The following DYTN variants were observed in gnomAD, a reference collection of about 807,000 sequenced individuals.
The protein encoded by DYTN is dystrotelin.
A neutral mutation model predicts 69.6 loss-of-function variants in DYTN; 75 were observed. The ratio of observed to expected loss-of-function variants is 1.08; its 90% CI spans 0.89 to 1.31. The LOEUF (loss-of-function observed/expected upper bound fraction) is 1.31, where lower values mean the gene tolerates loss of function less well. DYTN is among the 50% of genes most tolerant of loss of function. The pLI, the probability that DYTN is intolerant of heterozygous loss-of-function variation, is 0.00. For synonymous variants in DYTN, 252 were observed against 249.1 expected, an observed-to-expected ratio of 1.01 and a Z score of -0.11; for missense variants, 726 against 688.4, an observed-to-expected ratio of 1.05 and a Z score of -0.61.
chr2:206,679,271 T>C (rs1446054192), intron 9 of DYTN: 1 of 152,220 alleles, frequency 6.6e-6, no homozygotes, highest in Non-Finnish European at 1.5e-5. Flanking sequence ...TTGAAGGTTT[T>C]ACTCACCCAC....
Position 206,663,257 on chromosome 2 carries a change from C to T in DYTN, c.1279G>A (p.Gly427Arg), listed in dbSNP as rs184887506. The T allele has an allele frequency of 1.2e-6, 2 of 1,613,854 alleles. No homozygotes were observed. The highest frequency in any genetic ancestry group is 2.2e-5 in the East Asian group (1 of 44,894). The change falls in exon 11 of 12, where the codon GGG (glycine) becomes AGG (arginine). Residue 427 changes from glycine (G) to arginine (R), a missense_variant. By Grantham distance (125) the Gly-to-Arg change is moderately radical. Coordinates refer to ENST00000452335, the MANE Select transcript of DYTN (RefSeq NM_001093730.1). ...TCATCAAGCTTAGGAAGAGGTTCCC[C>T]TGTTGAAGCATCTTCAGTGGCATTC... ...IKNATEDAST[G>R]EPLPKLDEVD...
chr2:206,675,840 C>A (rs1237117994), intron 9 of DYTN, among the ~76,000 whole-genome samples: 3 of 152,132 alleles, frequency 2.0e-5, no homozygotes, highest in Non-Finnish European at 2.9e-5. Context: ...AACTCATCAT[C>A]ACTGGTCGTT....
At chr2:206,675,115 A>ATATGTGTGTGTGTGTG (rs1553573104) in intron 9 of DYTN, among the ~76,000 whole-genome samples, 44 of 131,542 alleles carry the variant, frequency 3.3e-4, no homozygotes, top group African/African-American at 1.2e-3. Context: ...ATATATATAT[A>ATATGTGTGTGTGTGTG]TGTGTGTGTG....
chr2:206,693,308 T>A lies in DYTN; in HGVS notation c.847A>T (p.Asn283Tyr). ...EHCIQMSAMQ[N>Y]TKLLFRTLRN... is the part of the protein sequence containing the mutation. Reference sequence around the variant, plus strand: ...AGGGTCCTGAAGAGAAGTTTTGTATTCTGCATTGCTGACATCTGCTGAAAG... The same window carrying A: ...AGGGTCCTGAAGAGAAGTTTTGTATACTGCATTGCTGACATCTGCTGAAAG... The change falls in exon 9 of 12, where the codon AAT becomes TAT. Residue 283 changes from asparagine to tyrosine, a missense_variant. Physicochemically the swap from Asn to Tyr is moderately radical, Grantham distance 143. Coordinates refer to ENST00000452335, the MANE Select transcript of DYTN (RefSeq NM_001093730.1). 1 of 1,612,530 alleles carries A rather than the reference T, an allele frequency of 6.2e-7. No individual in the cohort carries two copies. Among genetic ancestry groups the A allele is most frequent in the East Asian group, 2.2e-5 (1 of 44,880 alleles).
Position 206,672,686 on chromosome 2 carries a change from C to T in DYTN, c.981-6657G>A, listed in dbSNP as rs558405701. ...TACGGAAACTCCAGTTTTTCTCTGA[C>T]TATTACAGATGACCATATTCTGAAA... On this transcript the variant is annotated intron_variant, in intron 9 of 11. Coordinates refer to ENST00000452335, the MANE Select transcript of DYTN (RefSeq NM_001093730.1). Among the ~76,000 whole-genome samples, 3 of 152,324 alleles carry T rather than the reference C, an allele frequency of 2.0e-5. No homozygotes were observed. The East Asian group carries it at 5.8e-4, about 29-fold the overall frequency.
At chr2:206,657,129 T>A (rs1284638549) in intron 11 of DYTN, among the ~76,000 whole-genome samples, 1 of 152,148 alleles carries the variant, frequency 6.6e-6, no homozygotes, top group Non-Finnish European at 1.5e-5. Flanking sequence ...GTTGTTTTCA[T>A]TTTAGAGATG....
intron 9 of DYTN, among the ~76,000 whole-genome samples, chr2:206,673,405 G>A (rs934704154): frequency 5.3e-5 from 8 of 151,908 alleles, no homozygotes; most frequent in African/African-American, 1.7e-4. Flanking sequence ...TTACAGGCAC[G>A]CACCACCACA....
rs554984978 is a variant in DYTN, at chr2:206,665,943, G to T, written c.1067C>A (p.Thr356Lys). 8 of 1,613,904 alleles carry T rather than the reference G, an allele frequency of 5.0e-6. No homozygotes were observed. The South Asian group carries it at 8.8e-5, about 18-fold the overall frequency. ...GTTGGTTTTGAGTTTGTGAATCCTT[G>T]TTTCAAATCGACAAATTCTTTCTTC... ...SQEERICRFE[T>K]RIHKLKTNQD... The change falls in exon 10 of 12, where the codon ACA (threonine) becomes AAA (lysine). Residue 356 changes from threonine to lysine, a missense_variant. Transcript: ENST00000452335.
At chr2:206,700,109 T>G in intron 6 of DYTN, 36 bp downstream of exon 6, 1 of 1,613,122 alleles carries the variant, frequency 6.2e-7, no homozygotes, top group Non-Finnish European at 8.5e-7. Context: ...ACACCGTGTC[T>G]GTCCCCAACT....
intron 10 of DYTN, among the ~76,000 whole-genome samples, chr2:206,665,162 T>C (rs947088982): frequency 1.3e-5 from 2 of 152,218 alleles, no homozygotes; most frequent in Non-Finnish European, 2.9e-5. Context: ...TTGCAGCAGA[T>C]TGATTGCTGA....
At chr2:206,677,912 C>T (rs1456806736) in intron 9 of DYTN, among the ~76,000 whole-genome samples, 2 of 152,022 alleles carry the variant, frequency 1.3e-5, no homozygotes, top group Non-Finnish European at 2.9e-5. Context: ...ATCGCTTGAA[C>T]CCGGGAAGCG....
At chr2:206,662,106 T>A (rs1699518768) in intron 11 of DYTN, among the ~76,000 whole-genome samples, 1 of 152,200 alleles carries the variant, frequency 6.6e-6, no homozygotes, top group African/African-American at 2.4e-5. Flanking sequence ...GTGTATTATA[T>A]TTAATGACTT....
intron 2 of DYTN, among the ~76,000 whole-genome samples, chr2:206,709,409 A>G (rs1298625763): frequency 2.0e-5 from 3 of 152,064 alleles, no homozygotes; most frequent in African/African-American, 4.8e-5. Flanking sequence ...AGATCCCTCC[A>G]CTGCACTCCA....
At chr2:206,677,008 G>A (rs1048574532) in intron 9 of DYTN, among the ~76,000 whole-genome samples, 1 of 152,168 alleles carries the variant, frequency 6.6e-6, no homozygotes, top group African/African-American at 2.4e-5. Flanking sequence ...GTGCAGCGGT[G>A]TGATCTAGGC....
chr2:206,689,315 A>G (rs1699841084), intron 9 of DYTN, among the ~76,000 whole-genome samples: 1 of 152,248 alleles, frequency 6.6e-6, no homozygotes, highest in South Asian at 2.1e-4. Flanking sequence ...AATCTCTTAG[A>G]AGATGGTCAG....
chr2:206,671,492 C>A (rs1264935931), intron 9 of DYTN, among the ~76,000 whole-genome samples: 1 of 152,164 alleles, frequency 6.6e-6, no homozygotes, highest in African/African-American at 2.4e-5. Context: ...AATCAGCGAA[C>A]TTTACATTAT....
chr2:206,683,259 G>A (rs1699770201), intron 9 of DYTN, among the ~76,000 whole-genome samples: 1 of 150,626 alleles, frequency 6.6e-6, no homozygotes, highest in Non-Finnish European at 1.5e-5. Context: ...ATCCTCCAAT[G>A]TTTCCCCAGA....
At chr2:206,693,878 A>T (rs907218071) in intron 8 of DYTN, among the ~76,000 whole-genome samples, 6 of 152,192 alleles carry the variant, frequency 3.9e-5, no homozygotes, top group Non-Finnish European at 7.4e-5. Context: ...TCTAACATCA[A>T]CAAATCCAAG....
chr2:206,658,380 A>G (rs1276637258), intron 11 of DYTN, among the ~76,000 whole-genome samples: 2 of 151,696 alleles, frequency 1.3e-5, no homozygotes, highest in South Asian at 2.1e-4. Flanking sequence ...TTTCTCTATT[A>G]CTTCTTCTTC....
Sources: allele counts gnomAD v4.1 joint callset (sites outside exome capture counted in the v4.1 genomes callset), GRCh38; gene constraint gnomAD v4.1.1; transcripts MANE v1.5; gene names NCBI Gene and HGNC (gene_info 2026-07-23, HGNC 2026-07-21).